Variants in AGPS observed in about 807,000 individuals in gnomAD.
The protein encoded by AGPS is alkyldihydroxyacetonephosphate synthase, peroxisomal.
In AGPS, 26 loss-of-function variants were observed where a neutral mutation model predicts 90.7. That is an observed-to-expected ratio of 0.29 (90% CI 0.21 to 0.40). AGPS has a LOEUF of 0.40. Among genes scored for constraint, AGPS ranks in the 10% least tolerant of loss-of-function variants. The pLI is 1.00. For synonymous variants in AGPS, 294 were observed against 285.3 expected (o/e 1.03, Z -0.31); for missense variants, 540 against 816.1 (o/e 0.66, Z 4.12).
intron 5 of AGPS, among the ~76,000 whole-genome samples, chr2:177,438,750 T>C (rs1460480634): frequency 6.6e-6 from 1 of 152,236 alleles, no homozygotes; most frequent in Non-Finnish European, 1.5e-5. Context: ...TATTCCTGGC[T>C]GAATCAAGTT....
chr2:177,453,489 T>A (rs1687013512), intron 8 of AGPS, among the ~76,000 whole-genome samples: 1 of 151,914 alleles, frequency 6.6e-6, no homozygotes, highest in Non-Finnish European at 1.5e-5. Flanking sequence ...CAGGCTGGTC[T>A]AAAACTCCTG....
chr2:177,539,116 AAC>A lies in AGPS; in HGVS notation c.*923_*924del, dbSNP rs2079209427. The A allele has an allele frequency of 6.6e-6, 1 of 152,192 alleles. No individual in the cohort carries two copies. 9.4% of individuals were successfully genotyped at this position (152,192 alleles called of 1,614,324 possible). A position where few individuals can be genotyped will look rare whatever the true frequency, so the allele number is the denominator to read the frequency against. On this transcript the variant is annotated 3_prime_UTR_variant, in exon 20 of 20. Coordinates refer to ENST00000264167, the MANE Select transcript of AGPS (RefSeq NM_003659.4). ...ATTGCAAGAATTGTTTCACTAAAGA[AAC>A]AGTCATCATTCAACTACTGAATTTG... is the stretch of plus-strand genomic sequence containing the variant.
intron 10 of AGPS, among the ~76,000 whole-genome samples, chr2:177,481,573 A>G (rs561749759): frequency 2.0e-5 from 3 of 151,974 alleles, no homozygotes; most frequent in Admixed American, 6.5e-5. Flanking sequence ...AATTCTTAGG[A>G]AAAAAAGCAA....
intron 16 of AGPS, among the ~76,000 whole-genome samples, chr2:177,510,582 A>T (rs1008773137): frequency 2.6e-5 from 4 of 151,188 alleles, no homozygotes; most frequent in Non-Finnish European, 5.9e-5. Flanking sequence ...ATAATGTGCA[A>T]TTTTTTTTTG....
At chr2:177,472,153 G>GAC (rs1266946036) in intron 10 of AGPS, among the ~76,000 whole-genome samples, 13 of 151,388 alleles carry the variant, frequency 8.6e-5, no homozygotes, top group Non-Finnish European at 1.9e-4. Flanking sequence ...CATCCTCAGG[G>GAC]ACATTGATTA....
chr2:177,444,926 T>C (rs1254776758), intron 7 of AGPS, among the ~76,000 whole-genome samples: 1 of 152,212 alleles, frequency 6.6e-6, no homozygotes, highest in Non-Finnish European at 1.5e-5. Context: ...CCAGATGAAA[T>C]TTAGTTCCTT....
chr2:177,450,542 A>C (rs1338578667), intron 8 of AGPS, among the ~76,000 whole-genome samples: 3 of 152,172 alleles, frequency 2.0e-5, no homozygotes, highest in Non-Finnish European at 2.9e-5. Flanking sequence ...CATTTATTGG[A>C]AAAGATTATC....
intron 19 of AGPS, among the ~76,000 whole-genome samples, chr2:177,534,537 A>T (rs1416068835): frequency 7.0e-6 from 1 of 143,080 alleles, no homozygotes; most frequent in Non-Finnish European, 1.5e-5. Context: ...ATTTAAGCAC[A>T]GCCCCCCACC....
At chr2:177,462,108 G>C in intron 9 of AGPS, 90 bp downstream of exon 9, 1 of 1,277,350 alleles carries the variant, frequency 7.8e-7, no homozygotes, top group Non-Finnish European at 1.1e-6. Flanking sequence ...TTAAGAGTTG[G>C]GCCTGGGCGC....
chr2:177,522,702 C>T (rs1266475240), intron 18 of AGPS, among the ~76,000 whole-genome samples: 1 of 152,182 alleles, frequency 6.6e-6, no homozygotes, highest in Admixed American at 6.5e-5. Context: ...GATCCACCCA[C>T]CTTGGCCTCC....
intron 1 of AGPS, among the ~76,000 whole-genome samples, chr2:177,404,184 A>G (rs972115816): frequency 1.3e-5 from 2 of 152,200 alleles, no homozygotes; most frequent in Non-Finnish European, 2.9e-5. Context: ...GATAAAAGGA[A>G]ATTAGATGTT....
At chr2:177,526,497 T>C (rs1216593593) in intron 19 of AGPS, among the ~76,000 whole-genome samples, 1 of 152,218 alleles carries the variant, frequency 6.6e-6, no homozygotes, top group Non-Finnish European at 1.5e-5. Context: ...CCCAAAGTGC[T>C]TGTTATATTT....
At chr2:177,436,147 T>TTTTTTTTTTG (rs1397451930) in intron 3 of AGPS, among the ~76,000 whole-genome samples, 3 of 123,334 alleles carry the variant, frequency 2.4e-5, no homozygotes, top group African/African-American at 9.0e-5. Context: ...GAATTTTTTT[T>TTTTTTTTTTG]TTTTTTTTTT....
chr2:177,393,877 G>A (rs1685094311), intron 1 of AGPS, among the ~76,000 whole-genome samples: 1 of 151,888 alleles, frequency 6.6e-6, no homozygotes, highest in Admixed American at 6.6e-5. Context: ...CTTTGTCACC[G>A]TGGATAAATG....
rs146755270 is a variant in AGPS, at chr2:177,501,983, A to G, written c.1475+2253A>G. On this transcript the variant is annotated intron_variant, in intron 14 of 19. Coordinates refer to ENST00000264167, the MANE Select transcript of AGPS (RefSeq NM_003659.4). ...GTTTTAATTTGAGCCACCGACTGAC[A>G]TGAATGTCAGTAATGCCAGTTTTGT... is the stretch of plus-strand genomic sequence containing the variant. Among the ~76,000 whole-genome samples the G allele has an allele frequency of 5.9e-4, 90 of 152,298 alleles. No individual in the cohort carries two copies. The Middle Eastern group carries it at 0.014, about 23-fold the overall frequency.
At chr2:177,409,165 A>C (rs905927471) in intron 1 of AGPS, among the ~76,000 whole-genome samples, 3 of 147,716 alleles carry the variant, frequency 2.0e-5, no homozygotes, top group South Asian at 2.1e-4. Context: ...GCTACTGCTG[A>C]TTTTTTTTTT....
chr2:177,408,937 G>A (rs952317086), intron 1 of AGPS, among the ~76,000 whole-genome samples: 3 of 152,136 alleles, frequency 2.0e-5, no homozygotes, highest in Non-Finnish European at 4.4e-5. Flanking sequence ...GTAATCATGG[G>A]CTGGGTCTAG....
chr2:177,472,668 G>A (rs3769996), intron 10 of AGPS, among the ~76,000 whole-genome samples: 15,523 of 151,914 alleles, frequency 0.1, 1,163 homozygotes, highest in East Asian at 0.35. Flanking sequence ...TATTTTGAGA[G>A]TGTTCTTTCC....
intron 12 of AGPS, among the ~76,000 whole-genome samples, chr2:177,496,880 A>G (rs1347319760): frequency 6.6e-6 from 1 of 152,138 alleles, no homozygotes; most frequent in Non-Finnish European, 1.5e-5. Context: ...TTTTTTAAAA[A>G]AGAAAACTTT....
Sources: allele counts gnomAD v4.1 joint callset (sites outside exome capture counted in the v4.1 genomes callset), GRCh38; gene constraint gnomAD v4.1.1; transcripts MANE v1.5; gene names NCBI Gene and HGNC (gene_info 2026-07-23, HGNC 2026-07-21).